Variants in PLD1 observed in about 807,000 individuals in gnomAD.
The protein encoded by PLD1 is phospholipase D1, also known as choline phosphatase 1.
Under a neutral mutation model 137.1 loss-of-function variants are expected in PLD1, and 112 were observed. The observed-to-expected ratio is 0.82, with a 90% CI of 0.70 to 0.96. The LOEUF is 0.96. Among genes scored for constraint, PLD1 ranks in the 40% least tolerant of loss-of-function variants. PLD1 has a pLI of 0.00. For missense variants in PLD1, 1,321 were observed against 1,342.0 expected, an observed-to-expected ratio of 0.98 and a Z score of 0.24; for synonymous variants, 431 against 454.7, an observed-to-expected ratio of 0.95 and a Z score of 0.66.
chr3:171,612,373 T>A lies in PLD1; in HGVS notation c.2788A>T (p.Ile930Phe). 6.2e-7 allele frequency: 1 copy of A among 1,614,120 alleles called. No homozygotes were observed. Among genetic ancestry groups the A allele is most frequent in the Non-Finnish European group, 8.5e-7 (1 of 1,179,956 alleles). ...LGKRDSEMAV[I>F]VQDTETVPSV... is the part of the protein sequence containing the mutation. The stretch of plus-strand genomic sequence containing the variant: ...GGAACAGTCTCTGTATCTTGCACAA[T>A]GACAGCCATTTCACTGTCACGCTTT... Residue 930 changes from isoleucine (I) to phenylalanine (F), a missense_variant, in exon 25 of 27, where the codon ATT becomes TTT. Physicochemically the swap from Ile to Phe is conservative, Grantham distance 21. Transcript: ENST00000351298. The surrounding 1 kb of genome is among the most constrained non-coding windows in gnomAD (Gnocchi z 4.1).
chr3:171,773,704 A>G (rs1722487779), intron 1 of PLD1, among the ~76,000 whole-genome samples: 1 of 152,250 alleles, frequency 6.6e-6, no homozygotes, highest in Non-Finnish European at 1.5e-5. Flanking sequence ...CTTTATAAGT[A>G]CCAACTCATT....
Position 171,708,785 on chromosome 3 carries a change from G to T in PLD1, c.1115C>A (p.Ala372Glu). 1.2e-6 allele frequency: 2 copies of T among 1,602,824 alleles called. No individual in the cohort carries two copies. The highest frequency in any genetic ancestry group is 2.2e-5 in the East Asian group (1 of 44,814). ...GTCTGTGATAAAAATCTCTTCATTT[G>T]CCTCTTCCATTGCATTTGCCACATC... ...FEDVANAMEE[A>E]NEEIFITDWW... is the part of the protein sequence containing the mutation. The change falls in exon 11 of 27, where the codon GCA (alanine) becomes GAA (glutamate). Residue 372 changes from alanine (A) to glutamate (E), a missense_variant. By Grantham distance (107) the Ala-to-Glu change is moderately radical. Coordinates refer to ENST00000351298, the MANE Select transcript of PLD1 (RefSeq NM_002662.5).
intron 8 of PLD1, among the ~76,000 whole-genome samples, chr3:171,715,380 A>G (rs1250568562): frequency 6.6e-6 from 1 of 152,164 alleles, no homozygotes; most frequent in Non-Finnish European, 1.5e-5. Flanking sequence ...TTTTGAAGTC[A>G]GGTAGTGTAA....
chr3:171,784,753 C>T (rs1722929269), intron 1 of PLD1, among the ~76,000 whole-genome samples: 1 of 152,188 alleles, frequency 6.6e-6, no homozygotes, highest in South Asian at 2.1e-4. Flanking sequence ...ACCACCAAAG[C>T]TTTTTACCTG....
intron 10 of PLD1, 160 bp from the exon 11 acceptor site, chr3:171,708,998 CAA>C: frequency 1.7e-6 from 1 of 582,664 alleles, no homozygotes; most frequent in Non-Finnish European, 3.0e-6. Context: ...TTGAAAATAC[CAA>C]GTTTCCTCTG....
chr3:171,744,364 G>A (rs562190207), intron 1 of PLD1, among the ~76,000 whole-genome samples: 30 of 152,222 alleles, frequency 2.0e-4, no homozygotes, highest in African/African-American at 5.8e-4. Context: ...TCACCCAGCC[G>A]CCTTTCCTGC....
intron 23 of PLD1, among the ~76,000 whole-genome samples, chr3:171,636,701 C>T (rs1735160616): frequency 6.6e-6 from 1 of 151,904 alleles, no homozygotes; most frequent in Non-Finnish European, 1.5e-5. Flanking sequence ...AAGATCATGT[C>T]ATCTATAAAA....
chr3:171,808,684 C>A (rs1313707192), intron 1 of PLD1, among the ~76,000 whole-genome samples: 2 of 152,082 alleles, frequency 1.3e-5, no homozygotes, highest in African/African-American at 4.8e-5. Flanking sequence ...AGCCGGGTTC[C>A]CCACTACCTG....
intron 16 of PLD1, among the ~76,000 whole-genome samples, chr3:171,682,167 A>AGAAAGAAAGAAAGAAG (rs1553819290): frequency 6.7e-5 from 2 of 30,042 alleles, no homozygotes; most frequent in Non-Finnish European, 6.8e-5. Context: ...AAAGAAAGAA[A>AGAAAGAAAGAAAGAAG]AAGAAAGAAA....
At chr3:171,605,527 T>C (rs1167409389) in intron 25 of PLD1, 111 bp from the exon 26 acceptor site, 3 of 694,836 alleles carry the variant, frequency 4.3e-6, no homozygotes, top group Admixed American at 2.2e-5. Flanking sequence ...TGCAAATTAT[T>C]TGAGAGACCA....
chr3:171,666,987 G>C (rs929950973), intron 19 of PLD1, among the ~76,000 whole-genome samples: 1 of 152,076 alleles, frequency 6.6e-6, no homozygotes, highest in African/African-American at 2.4e-5. Flanking sequence ...TTAAATAACA[G>C]AAATTTCTTT....
At chr3:171,723,404 G>A (rs1018341151) in intron 8 of PLD1, among the ~76,000 whole-genome samples, 14 of 152,018 alleles carry the variant, frequency 9.2e-5, no homozygotes, top group Admixed American at 4.6e-4. Context: ...TCCAAATCTT[G>A]GCTATTGTGA....
intron 10 of PLD1, 46 bp downstream of exon 10, chr3:171,709,514 T>C (rs1352575016): frequency 1.3e-6 from 2 of 1,565,316 alleles, no homozygotes; most frequent in Non-Finnish European, 8.8e-7. Context: ...AGTGTAATAT[T>C]AGATGCTATG....
In PLD1 at chr3:171,743,602, C is replaced by T. The variant is rs78235606; in HGVS notation, c.-31-5520G>A. Among the ~76,000 whole-genome samples, 931 of 152,326 alleles carry T rather than the reference C, an allele frequency of 6.1e-3. 6 individuals carry two copies. Among genetic ancestry groups the T allele is most frequent in the African/African-American group, 0.021 (891 of 41,578 alleles). On this transcript the variant is annotated intron_variant, in intron 1 of 26. Coordinates refer to ENST00000351298, the MANE Select transcript of PLD1 (RefSeq NM_002662.5). ...TTTTCTCACAACAGTGGCTCCTGCT[C>T]CCTTTGAGGTCCGGCATCCTTTGCA... is the stretch of plus-strand genomic sequence containing the variant.
At chr3:171,765,567 A>G (rs1325318100) in intron 1 of PLD1, 1 of 152,234 alleles carries the variant, frequency 6.6e-6, no homozygotes, top group Non-Finnish European at 1.5e-5. Flanking sequence ...TATTATAAAG[A>G]GCAGCAGAGG....
intron 25 of PLD1, among the ~76,000 whole-genome samples, chr3:171,609,376 C>T (rs1732464606): frequency 6.6e-6 from 1 of 152,096 alleles, no homozygotes; most frequent in Non-Finnish European, 1.5e-5. Flanking sequence ...ATACAACAAT[C>T]CCACAACTGG....
At chr3:171,679,388 T>C (rs1002996178) in intron 16 of PLD1, among the ~76,000 whole-genome samples, 3 of 152,238 alleles carry the variant, frequency 2.0e-5, no homozygotes, top group Non-Finnish European at 4.4e-5. Flanking sequence ...TTTCCTGCTT[T>C]ATGAGACTGA....
At position 171,601,877 on chromosome 3, in the gene PLD1, C is replaced by T. The variant is rs1380164900; in HGVS notation, c.*1201G>A. On this transcript the variant is annotated 3_prime_UTR_variant, in exon 27 of 27. Coordinates refer to ENST00000351298, the MANE Select transcript of PLD1 (RefSeq NM_002662.5). ...CTCTAACATCCGAAAAGGAAAAACA[C>T]GTTTCCAGACTAATTCACAGACTAG... The T allele has an allele frequency of 6.6e-6, 1 of 152,170 alleles. No homozygotes were observed. The highest frequency in any genetic ancestry group is 1.5e-5 in the Non-Finnish European group (1 of 68,036). 9.4% of individuals were successfully genotyped at this position (152,170 alleles called of 1,614,324 possible).
At chr3:171,742,231 A>C (rs1297464476) in intron 1 of PLD1, among the ~76,000 whole-genome samples, 1 of 152,022 alleles carries the variant, frequency 6.6e-6, no homozygotes. Flanking sequence ...TATACTCTTA[A>C]AACTTTTTTT....
Sources: gnomAD v4.1 joint callset for allele counts (sites outside exome capture counted in the v4.1 genomes callset) on GRCh38, gnomAD v4.1.1 for gene constraint, Gnocchi (gnomAD v3.1) non-coding constraint, MANE v1.5 for transcripts, NCBI Gene and HGNC (gene_info 2026-07-23, HGNC 2026-07-21) for gene names.